Variants in APBA2 observed in about 807,000 individuals in gnomAD.
APBA2 encodes the protein amyloid-beta A4 precursor protein-binding family A member 2.
A neutral mutation model predicts 75.0 loss-of-function variants in APBA2; 30 were observed. The observed-to-expected ratio is 0.40, with a 90% CI of 0.30 to 0.54. The LOEUF (loss-of-function observed/expected upper bound fraction) is 0.54. Ranked by LOEUF, APBA2 falls within the 20% of genes least tolerant of loss-of-function variation. The probability of loss-of-function intolerance (pLI) is 0.49; values close to 1 mark genes in which losing one functional copy is unlikely to be tolerated. For missense variants in APBA2, 801 were observed against 1,016.1 expected (o/e 0.79, Z 2.88); for synonymous variants, 444 against 409.6 (o/e 1.08, Z -1.01).
intron 3 of APBA2, among the ~76,000 whole-genome samples, chr15:29,048,900 A>G (rs1424973974): frequency 3.3e-5 from 5 of 151,002 alleles, no homozygotes; most frequent in Non-Finnish European, 7.4e-5. Context: ...CCGAGATCAC[A>G]CCACTGCACT....
intron 1 of APBA2, among the ~76,000 whole-genome samples, chr15:28,899,320 T>A (rs1173040910): frequency 1.3e-5 from 2 of 152,258 alleles, no homozygotes; most frequent in African/African-American, 4.8e-5. Flanking sequence ...CTCATTCCTC[T>A]GGACTCTACT....
intron 2 of APBA2, among the ~76,000 whole-genome samples, chr15:28,939,395 A>G (rs181141114): frequency 6.6e-6 from 1 of 152,224 alleles, no homozygotes; most frequent in Admixed American, 6.5e-5. Flanking sequence ...ACTGGACCAT[A>G]TGGTAGCTCT....
intron 1 of APBA2, among the ~76,000 whole-genome samples, chr15:28,897,182 G>GACACACACACACAC (rs368122549): frequency 1.2e-4 from 18 of 148,150 alleles, no homozygotes; most frequent in African/African-American, 3.7e-4. Flanking sequence ...CAAAAGACAC[G>GACACACACACACAC]ACACACACAC....
intron 1 of APBA2, among the ~76,000 whole-genome samples, chr15:28,917,920 C>T (rs1253607492): frequency 6.6e-6 from 1 of 152,184 alleles, no homozygotes; most frequent in Non-Finnish European, 1.5e-5. Context: ...CTGCATCCTG[C>T]CCCCGCCCCA....
At chr15:29,052,187 G>A (rs1008190227) in intron 3 of APBA2, among the ~76,000 whole-genome samples, 5 of 152,006 alleles carry the variant, frequency 3.3e-5, no homozygotes, top group East Asian at 1.9e-4. Context: ...TGGGCGTGGC[G>A]GCTCACCCCT....
At chr15:28,917,182 C>A (rs2033723924) in intron 1 of APBA2, among the ~76,000 whole-genome samples, 10 of 152,226 alleles carry the variant, frequency 6.6e-5, no homozygotes, top group African/African-American at 2.4e-4. Flanking sequence ...TCCCTGCCCT[C>A]CCTCCAAACC....
At chr15:28,983,228 T>C (rs2037715910) in intron 2 of APBA2, among the ~76,000 whole-genome samples, 1 of 152,206 alleles carries the variant, frequency 6.6e-6, no homozygotes, top group African/African-American at 2.4e-5. Flanking sequence ...CCCTGGGTGC[T>C]TCAGTCAGCC....
chr15:28,938,060 C>G (rs951996425), intron 2 of APBA2, among the ~76,000 whole-genome samples: 1 of 152,178 alleles, frequency 6.6e-6, no homozygotes, highest in African/African-American at 2.4e-5. Flanking sequence ...GTCCCCAACC[C>G]CCCACCTGAT....
chr15:28,940,459 C>T (rs1029328430), intron 2 of APBA2, among the ~76,000 whole-genome samples: 6 of 147,272 alleles, frequency 4.1e-5, no homozygotes, highest in South Asian at 2.1e-4. Context: ...TGGAGAATGG[C>T]GTGAACCCGG....
At chr15:29,113,848 G>T (rs752069128) in intron 13 of APBA2, 28 bp from the exon 14 acceptor site, 1 of 1,593,848 alleles carries the variant, frequency 6.3e-7, no homozygotes, top group Non-Finnish European at 8.5e-7. Context: ...GCGGGAACAC[G>T]TGTGCTGACC....
At chr15:28,983,875 C>T (rs968071482) in intron 2 of APBA2, among the ~76,000 whole-genome samples, 2 of 152,126 alleles carry the variant, frequency 1.3e-5, no homozygotes, top group Non-Finnish European at 1.5e-5. Context: ...ATCCCAAGCA[C>T]CCAGGCCACT....
intron 8 of APBA2, 143 bp downstream of exon 8, chr15:29,094,456 C>T (rs1034955633): frequency 1.6e-5 from 13 of 793,638 alleles, no homozygotes; most frequent in Non-Finnish European, 2.8e-5. Context: ...GTAGGTGAAT[C>T]TTAGATGTTT....
intron 3 of APBA2, among the ~76,000 whole-genome samples, chr15:29,030,198 G>T (rs1307175363): frequency 6.6e-6 from 1 of 152,132 alleles, no homozygotes; most frequent in African/African-American, 2.4e-5. Flanking sequence ...GGTGGCTCAC[G>T]CCTGTAATCC....
intron 3 of APBA2, among the ~76,000 whole-genome samples, chr15:29,048,892 G>A (rs894132965): frequency 1.3e-5 from 2 of 149,732 alleles, no homozygotes; most frequent in African/African-American, 4.9e-5. Context: ...TCAGTGAGCC[G>A]AGATCACACC....
intron 3 of APBA2, among the ~76,000 whole-genome samples, chr15:29,042,957 G>A (rs1021100901): frequency 3.9e-5 from 6 of 152,214 alleles, no homozygotes; most frequent in Admixed American, 6.5e-5. Context: ...CTGGACCCTC[G>A]CTTTTCCCCT....
At chr15:28,957,399 C>T (rs963986490) in intron 2 of APBA2, among the ~76,000 whole-genome samples, 20 of 152,144 alleles carry the variant, frequency 1.3e-4, no homozygotes, top group Admixed American at 1.3e-3. Context: ...TTTTCACTTC[C>T]TTCGGGCATA....
At chr15:28,998,449 G>A (rs2038661202) in intron 3 of APBA2, among the ~76,000 whole-genome samples, 1 of 152,074 alleles carries the variant, frequency 6.6e-6, no homozygotes, top group East Asian at 1.9e-4. Flanking sequence ...ACCCCCGTAT[G>A]GATGCATATA....
At chr15:29,059,150 G>A (rs1160112951) in intron 4 of APBA2, among the ~76,000 whole-genome samples, 1 of 152,176 alleles carries the variant, frequency 6.6e-6, no homozygotes, top group African/African-American at 2.4e-5. Flanking sequence ...TCTTGTTTCA[G>A]CTCTCATACT....
rs368548288 is a variant in APBA2 at position 28,908,521 on chromosome 15, A to AG, written c.-204-13118dup. On this transcript the variant is annotated intron_variant, in intron 1 of 14. Coordinates refer to ENST00000683413, the MANE Select transcript of APBA2 (RefSeq NM_001353788.2). ...GAGATGGGGTTTCACCATGTTAGCC[A>AG]GATGGTCTCGATCTCCTGACCTCGT... 1.7e-3 allele frequency among the ~76,000 whole-genome samples: 251 copies of AG among 152,040 alleles called. 1 individual carries two copies. The highest frequency in any genetic ancestry group is 5.8e-3 in the African/African-American group (239 of 41,442).
Sources: gnomAD v4.1 joint callset for allele counts (sites outside exome capture counted in the v4.1 genomes callset) on GRCh38, gnomAD v4.1.1 for gene constraint, MANE v1.5 for transcripts, NCBI Gene and HGNC (gene_info 2026-07-23, HGNC 2026-07-21) for gene names.